ATP8B1: variants seen among roughly 807,000 people sequenced by gnomAD.
The protein encoded by ATP8B1 is ATPase phospholipid transporting 8B1.
Under a neutral mutation model 149.9 loss-of-function variants are expected in ATP8B1, and 80 were observed. The observed-to-expected ratio is 0.53, with a 90% CI of 0.45 to 0.64. The LOEUF is 0.64. Among genes scored for constraint, ATP8B1 ranks in the 30% least tolerant of loss-of-function variants. The probability of loss-of-function intolerance (pLI) is 0.00; values close to 1 mark genes in which losing one functional copy is unlikely to be tolerated. For synonymous variants in ATP8B1, 536 were observed against 562.8 expected (o/e 0.95, Z 0.67); for missense variants, 1,247 against 1,552.6 (o/e 0.80, Z 3.31).
At chr18:57,728,511 G>A (rs2079729785) in intron 2 of ATP8B1, among the ~76,000 whole-genome samples, 1 of 152,076 alleles carries the variant, frequency 6.6e-6, no homozygotes. Flanking sequence ...AGGGAGGCAG[G>A]GCACATGGGA....
At chr18:57,669,194 C>T (rs1911078348) in intron 18 of ATP8B1, 124 bp downstream of exon 18, 4 of 1,004,172 alleles carry the variant, frequency 4.0e-6, no homozygotes, top group Non-Finnish European at 5.7e-6. Flanking sequence ...TTCCATTGTG[C>T]CAGTGTCAAA....
At chr18:57,665,877 G>C (rs897360402) in intron 20 of ATP8B1, among the ~76,000 whole-genome samples, 4 of 152,034 alleles carry the variant, frequency 2.6e-5, no homozygotes, top group African/African-American at 9.7e-5. Context: ...AAACCTAAAA[G>C]CACAAAGGGG....
chr18:57,680,585 A>AAAAACAAAAC lies in ATP8B1; in HGVS notation c.1630+3441_1630+3450dup, dbSNP rs75854777. On this transcript the variant is annotated intron_variant, in intron 15 of 27. Coordinates refer to ENST00000648908, the MANE Select transcript of ATP8B1 (RefSeq NM_001374385.1). ...GGCAATAAGAGTGAAACTTGGTCTCAAAAACAAAACAAAACAAAACAAAAC... is the reference window on the plus strand; with the variant it reads ...GGCAATAAGAGTGAAACTTGGTCTCAAAAACAAAACAAAACAAAACAAAACAAAACAAAAC... Among the ~76,000 whole-genome samples, 705 of 144,064 alleles carry AAAAACAAAAC rather than the reference A, an allele frequency of 4.9e-3. 5 individuals carry two copies. Among genetic ancestry groups the AAAAACAAAAC allele is most frequent in the South Asian group, 0.028 (124 of 4,476 alleles). The allele number at this position is 144,064 out of a possible 152,430, so 94.5% of individuals were successfully genotyped here. A position where few individuals can be genotyped will look rare whatever the true frequency, so the allele number is the denominator to read the frequency against.
chr18:57,698,012 T>C, intron 6 of ATP8B1, 145 bp from the exon 7 acceptor site: 1 of 716,000 alleles, frequency 1.4e-6, no homozygotes, highest in Admixed American at 2.3e-5. Flanking sequence ...GATGTAAACA[T>C]ATTAAAGGGG....
In ATP8B1 at chr18:57,654,031, G is replaced by A. The variant is rs1909820757; in HGVS notation, c.2976C>T (p.Tyr992=). 3.7e-6 allele frequency: 6 copies of A among 1,613,960 alleles called. No homozygotes were observed. Among genetic ancestry groups the A allele is most frequent in the African/African-American group, 1.3e-5 (1 of 74,904 alleles). The change falls in exon 24 of 28, where the codon TAC becomes TAT. Residue 992 remains tyrosine (Y), a synonymous_variant. Transcript: ENST00000648908. ...DWFITLYNVL[Y]TSLPVLLMGL... ...CCATGAGGAGCACGGGCAGGCTGGT[G>A]TACAGCACGTTGTAGAGGGTGATGA...
chr18:57,789,436 C>T (rs1282767101), intron 1 of ATP8B1, among the ~76,000 whole-genome samples: 5 of 152,296 alleles, frequency 3.3e-5, no homozygotes, highest in Admixed American at 2.6e-4. Flanking sequence ...GAAATTAATA[C>T]ACCACGGGAC....
chr18:57,732,960 A>G (rs1270326653), intron 1 of ATP8B1, among the ~76,000 whole-genome samples: 1 of 152,156 alleles, frequency 6.6e-6, no homozygotes, highest in Non-Finnish European at 1.5e-5. Context: ...TTCTGATACA[A>G]CATTTTTAAT....
In ATP8B1 at chr18:57,652,111, G is replaced by A. The variant is rs767548754; in HGVS notation, c.3323C>T (p.Ala1108Val). Residue 1108 changes from alanine to valine, a missense_variant, in exon 26 of 28, where the codon GCA (alanine) becomes GTA (valine). By Grantham distance (64) the Ala-to-Val change is moderately conservative. This residue lies in a region of ATP8B1 where 230 missense variants were observed against 356.6 expected (regional missense o/e 0.65). Coordinates refer to ENST00000648908, the MANE Select transcript of ATP8B1 (RefSeq NM_001374385.1). ...VNAFSIFGSI[A>V]LYFGIMFDFH... ...GTCAAACATGATGCCAAAATAAAGT[G>A]CAATGCTTCCAAAAATTGAAAAAGC... 1.4e-5 allele frequency: 22 copies of A among 1,613,784 alleles called. No homozygotes were observed. The South Asian group carries it at 1.8e-4, about 13-fold the overall frequency.
At chr18:57,697,968 C>A (rs2122913911) in intron 6 of ATP8B1, 101 bp from the exon 7 acceptor site, 1 of 1,163,048 alleles carries the variant, frequency 8.6e-7, no homozygotes, top group East Asian at 2.5e-5. Flanking sequence ...ATATGCAAGT[C>A]ACAGAGAAAA....
chr18:57,704,255 A>C (rs1390987442), intron 4 of ATP8B1, among the ~76,000 whole-genome samples: 1 of 152,230 alleles, frequency 6.6e-6, no homozygotes, highest in Non-Finnish European at 1.5e-5. Context: ...GGCGTGGGCC[A>C]CTGAGCCTGG....
chr18:57,704,210 C>A (rs975091579), intron 4 of ATP8B1, among the ~76,000 whole-genome samples: 1 of 152,228 alleles, frequency 6.6e-6, no homozygotes, highest in East Asian at 1.9e-4. Context: ...CGAGGTGATC[C>A]ACCCGCCTCG....
At chr18:57,774,012 G>C (rs576973101) in intron 1 of ATP8B1, among the ~76,000 whole-genome samples, 33 of 152,234 alleles carry the variant, frequency 2.2e-4, no homozygotes, top group South Asian at 4.2e-4. Flanking sequence ...TCTGCAGTGG[G>C]TTCTCACTTC....
chr18:57,770,546 A>G (rs2080255367), intron 1 of ATP8B1, among the ~76,000 whole-genome samples: 1 of 152,206 alleles, frequency 6.6e-6, no homozygotes, highest in African/African-American at 2.4e-5. Context: ...GCCCACCCTC[A>G]GAACAGGGTA....
intron 15 of ATP8B1, among the ~76,000 whole-genome samples, chr18:57,679,185 G>A (rs561688828): frequency 3.1e-3 from 463 of 151,388 alleles, no homozygotes; most frequent in Non-Finnish European, 4.7e-3. Flanking sequence ...AGCCGAGATC[G>A]CGCCACTGCT....
intron 1 of ATP8B1, chr18:57,740,866 A>G (rs182652): frequency 1 from 151,742 of 152,236 alleles, 75,626 homozygotes; most frequent in Middle Eastern, 1. Flanking sequence ...ATGAGCTACC[A>G]TATCCAGCCC....
intron 1 of ATP8B1, among the ~76,000 whole-genome samples, chr18:57,798,794 C>T (rs1378846381): frequency 6.6e-6 from 1 of 152,086 alleles, no homozygotes; most frequent in Non-Finnish European, 1.5e-5. Context: ...CAAATGAGCA[C>T]TCTGGTCCTC....
At chr18:57,772,921 AC>A (rs2080275568) in intron 1 of ATP8B1, among the ~76,000 whole-genome samples, 1 of 152,160 alleles carries the variant, frequency 6.6e-6, no homozygotes, top group Non-Finnish European at 1.5e-5. Flanking sequence ...GGCCTCAACA[AC>A]ATGAACTGTT....
At chr18:57,719,866 G>A (rs1401582897) in intron 2 of ATP8B1, among the ~76,000 whole-genome samples, 5 of 152,206 alleles carry the variant, frequency 3.3e-5, no homozygotes, top group African/African-American at 9.6e-5. Context: ...TTTGAAGAGA[G>A]CAGTGGTTCT....
chr18:57,672,436 G>A lies in ATP8B1; in HGVS notation c.1820-856C>T, dbSNP rs567342013. 7.9e-5 allele frequency among the ~76,000 whole-genome samples: 12 copies of A among 152,342 alleles called. No individual in the cohort carries two copies. The East Asian group carries it at 1.7e-3, about 22-fold the overall frequency. On this transcript the variant is annotated intron_variant, in intron 16 of 27. Transcript: ENST00000648908. ...GGGACACAGAAAGCGTTCAGTAAGTGTGCCTAAGGAGGGTGTAATAGTTAA... is the reference window on the plus strand; with the variant it reads ...GGGACACAGAAAGCGTTCAGTAAGTATGCCTAAGGAGGGTGTAATAGTTAA...
Sources: allele counts gnomAD v4.1 joint callset (sites outside exome capture counted in the v4.1 genomes callset), GRCh38; gene constraint gnomAD v4.1.1; regional missense constraint gnomAD v4.1.1; transcripts MANE v1.5; gene names NCBI Gene and HGNC (gene_info 2026-07-23, HGNC 2026-07-21).